TENM1: variants seen among roughly 807,000 people sequenced by gnomAD.
TENM1 encodes the protein teneurin transmembrane protein 1.
TENM1 carries 35 observed loss-of-function variants against 174.8 expected under a neutral mutation model. That is an observed-to-expected ratio of 0.20 (90% CI 0.15 to 0.27). TENM1 has a LOEUF of 0.27. Among genes scored for constraint, TENM1 ranks in the 10% least tolerant of loss-of-function variants. TENM1 has a pLI of 1.00. For synonymous variants in TENM1, 781 were observed against 798.7 expected (o/e 0.98, Z 0.37); for missense variants, 1,633 against 2,130.1 (o/e 0.77, Z 4.59).
intron 3 of TENM1, among the ~76,000 whole-genome samples, chrX:124,869,736 T>C (rs957343047): frequency 1.8e-5 from 2 of 110,162 alleles, no homozygotes; most frequent in South Asian, 8.0e-4. Flanking sequence ...AAGACAAGCA[T>C]TGCAACTTCT....
intron 1 of TENM1, among the ~76,000 whole-genome samples, chrX:124,942,360 C>T (rs961529434): frequency 1.2e-4 from 13 of 111,544 alleles, no homozygotes; most frequent in Admixed American, 5.7e-4. Context: ...CCTACAGAAA[C>T]GACAAAAGTT....
chrX:124,654,125 A>G (rs1297235444), intron 6 of TENM1, among the ~76,000 whole-genome samples: 1 of 112,241 alleles, frequency 8.9e-6, no homozygotes, highest in Non-Finnish European at 1.9e-5. Flanking sequence ...CATTGAAAAT[A>G]GGGAAAATAG....
intron 27 of TENM1, among the ~76,000 whole-genome samples, chrX:124,401,118 T>C (rs1266602416): frequency 9.0e-6 from 1 of 111,345 alleles, no homozygotes; most frequent in Non-Finnish European, 1.9e-5. Flanking sequence ...AAAAGGATCC[T>C]GACGTTGCAT....
At chrX:125,152,427 A>G in the TENM1 span, among the ~76,000 whole-genome samples, 1 of 112,053 alleles carries the variant, frequency 8.9e-6, no homozygotes, top group South Asian at 3.7e-4. Flanking sequence ...AAAGATATGA[A>G]TTATAGAAAT....
chrX:125,072,932 G>C, the TENM1 span, among the ~76,000 whole-genome samples: 1 of 110,545 alleles, frequency 9.0e-6, no homozygotes, highest in South Asian at 3.7e-4. Context: ...TAAAAAGAAA[G>C]TTCAAAGAAA....
At chrX:124,514,671 G>A (rs2047658342) in intron 18 of TENM1, among the ~76,000 whole-genome samples, 1 of 110,639 alleles carries the variant, frequency 9.0e-6, no homozygotes, top group Admixed American at 9.6e-5. Context: ...GCTCTGAAAC[G>A]GAATCAGTAA....
chrX:124,566,898 T>C (rs994021536), intron 11 of TENM1, among the ~76,000 whole-genome samples: 2 of 112,080 alleles, frequency 1.8e-5, no homozygotes, highest in South Asian at 7.3e-4. Flanking sequence ...TAACATATTG[T>C]CTTAATCTCT....
the TENM1 span, among the ~76,000 whole-genome samples, chrX:125,172,221 T>G: frequency 7.7e-4 from 86 of 111,282 alleles, no homozygotes; most frequent in African/African-American, 2.6e-3. Context: ...TAGAAAGAGC[T>G]TAATACTGCA....
intron 11 of TENM1, among the ~76,000 whole-genome samples, chrX:124,588,985 A>G (rs2049643646): frequency 9.0e-6 from 1 of 110,884 alleles, no homozygotes; most frequent in Non-Finnish European, 1.9e-5. Flanking sequence ...ACAGTCCTCA[A>G]GGGGAATGCT....
chrX:124,384,513 T>C (rs780995720), exon 30 of TENM1: 4 of 1,211,254 alleles, frequency 3.3e-6, no homozygotes, highest in Non-Finnish European at 4.5e-6. Context: ...CATATTACCA[T>C]GCGGCCCACA....
At chrX:124,459,422 A>T (rs1411092365) in intron 22 of TENM1, among the ~76,000 whole-genome samples, 2 of 110,939 alleles carry the variant, frequency 1.8e-5, no homozygotes, top group Admixed American at 9.6e-5. Flanking sequence ...GAGGAAATGG[A>T]AGTGCAGAGA....
intron 23 of TENM1, among the ~76,000 whole-genome samples, chrX:124,448,770 G>A (rs1241936124): frequency 2.7e-5 from 3 of 111,954 alleles, no homozygotes; most frequent in African/African-American, 9.7e-5. Context: ...TGCCAACAAA[G>A]ATCAAATTAC....
At chrX:124,804,088 C>A (rs2035501126) in intron 3 of TENM1, among the ~76,000 whole-genome samples, 2 of 111,971 alleles carry the variant, frequency 1.8e-5, no homozygotes, top group South Asian at 3.7e-4. Context: ...CACCTGGCCC[C>A]AGCTGAGTAT....
the TENM1 span, among the ~76,000 whole-genome samples, chrX:124,971,310 A>C: frequency 9.0e-6 from 1 of 111,224 alleles, no homozygotes; most frequent in East Asian, 2.9e-4. Context: ...GTACATAATC[A>C]CCTAATCTCC....
At chrX:124,627,288 A>T (rs2050659644) in intron 11 of TENM1, among the ~76,000 whole-genome samples, 1 of 111,946 alleles carries the variant, frequency 8.9e-6, no homozygotes. Context: ...ATGTGGTTTG[A>T]TAAGAATGAT....
chrX:124,646,076 G>T (rs896199818), intron 9 of TENM1, among the ~76,000 whole-genome samples: 7 of 112,217 alleles, frequency 6.2e-5, no homozygotes, highest in Non-Finnish European at 1.1e-4. Flanking sequence ...TAAGAATACA[G>T]TGAAAATGAG....
chrX:124,514,053 T>C (rs73215112), intron 18 of TENM1, among the ~76,000 whole-genome samples: 21,911 of 110,563 alleles, frequency 0.2, 1,782 homozygotes, highest in African/African-American at 0.29. Flanking sequence ...ATGATGAAAA[T>C]GTTCTGGAAT....
At chrX:125,044,626 T>C in the TENM1 span, among the ~76,000 whole-genome samples, 2 of 110,531 alleles carry the variant, frequency 1.8e-5, no homozygotes, top group African/African-American at 6.6e-5. Context: ...AATAAATGAA[T>C]TTCGTAAGCC....
intron 23 of TENM1, among the ~76,000 whole-genome samples, chrX:124,438,826 A>C (rs1257862575): frequency 1.8e-5 from 2 of 111,251 alleles, no homozygotes; most frequent in Non-Finnish European, 3.8e-5. Flanking sequence ...AGGTTATTAT[A>C]TTGTGATTTT....
Sources: allele counts gnomAD v4.1 joint callset (sites outside exome capture counted in the v4.1 genomes callset), GRCh38; gene constraint gnomAD v4.1.1; transcripts MANE v1.5; gene names NCBI Gene and HGNC (gene_info 2026-07-23, HGNC 2026-07-21).